Variants in TCP11 observed in about 807,000 individuals in gnomAD.
The protein encoded by TCP11 is T-complex protein 11 homolog.
A neutral mutation model predicts 45.0 loss-of-function variants in TCP11; 34 were observed. The ratio of observed to expected loss-of-function variants is 0.76; its 90% CI spans 0.57 to 1.01. The LOEUF is 1.01. Ranked by LOEUF, TCP11 falls within the 50% of genes least tolerant of loss-of-function variation. The probability of loss-of-function intolerance (pLI) is 0.00; values close to 1 mark genes in which losing one functional copy is unlikely to be tolerated. For synonymous variants in TCP11, 227 were observed against 227.0 expected, an observed-to-expected ratio of 1.00 and a Z score of 0.00; for missense variants, 523 against 598.1, an observed-to-expected ratio of 0.87 and a Z score of 1.31.
chr6:35,131,315 C>G (rs768880658), intron 3 of TCP11, among the ~76,000 whole-genome samples: 1 of 151,802 alleles, frequency 6.6e-6, no homozygotes, highest in Non-Finnish European at 1.5e-5. Flanking sequence ...TGCCTATAAT[C>G]CCAGCACTTT....
chr6:35,118,598 G>T, intron 9 of TCP11, 97 bp from the exon 10 acceptor site: 1 of 1,127,362 alleles, frequency 8.9e-7, no homozygotes, highest in Non-Finnish European at 1.3e-6. Context: ...TAAGTTAACA[G>T]ATATGTACCA....
chr6:35,140,640 C>T (rs190208504), intron 2 of TCP11, 107 bp downstream of exon 2: 3 of 718,242 alleles, frequency 4.2e-6, no homozygotes, highest in Admixed American at 2.0e-5. Context: ...GAAAGACAAA[C>T]GAGAGAGGGA....
intron 4 of TCP11, among the ~76,000 whole-genome samples, chr6:35,125,365 G>C (rs1433360151): frequency 6.6e-6 from 1 of 152,132 alleles, no homozygotes; most frequent in Non-Finnish European, 1.5e-5. Flanking sequence ...CAAAGTACCT[G>C]AGTAAACATT....
At chr6:35,126,630 T>C (rs1779845793) in intron 4 of TCP11, among the ~76,000 whole-genome samples, 1 of 148,648 alleles carries the variant, frequency 6.7e-6, no homozygotes, top group South Asian at 2.1e-4. Flanking sequence ...CAGGATGCAA[T>C]ATATGCTTTG....
At chr6:35,131,786 C>G (rs72897901) in intron 3 of TCP11, among the ~76,000 whole-genome samples, 18,647 of 152,074 alleles carry the variant, frequency 0.12, 1,330 homozygotes, top group Middle Eastern at 0.14. Context: ...ATGTTTAGTA[C>G]AGACAGAGTT....
intron 4 of TCP11, among the ~76,000 whole-genome samples, chr6:35,127,998 G>A (rs779987514): frequency 5.3e-5 from 8 of 152,204 alleles, no homozygotes; most frequent in African/African-American, 1.7e-4. Context: ...AAGCTTCACC[G>A]GCAGAAAGTG....
intron 3 of TCP11, among the ~76,000 whole-genome samples, chr6:35,131,601 A>G (rs1780462328): frequency 6.6e-6 from 1 of 152,166 alleles, no homozygotes; most frequent in African/African-American, 2.4e-5. Flanking sequence ...AACACAATGA[A>G]AAAGAAAAGA....
At chr6:35,140,502 C>G in intron 2 of TCP11, 1 of 629,846 alleles carries the variant, frequency 1.6e-6, no homozygotes, top group Non-Finnish European at 2.9e-6. Context: ...GGCTTTGAAC[C>G]GACTCAGTCT....
chr6:35,134,585 A>G (rs1780850767), intron 3 of TCP11, among the ~76,000 whole-genome samples: 1 of 151,916 alleles, frequency 6.6e-6, no homozygotes, highest in Non-Finnish European at 1.5e-5. Context: ...GGCCCCATAA[A>G]CTTTAAATCA....
intron 4 of TCP11, 153 bp downstream of exon 4, chr6:35,128,909 C>G: frequency 1.0e-6 from 1 of 957,270 alleles, no homozygotes; most frequent in South Asian, 2.0e-5. Flanking sequence ...TTATATTAAA[C>G]CCTCCCTGCT....
chr6:35,129,222 A>G lies in TCP11; in HGVS notation c.237-40T>C, dbSNP rs756006413. The G allele has an allele frequency of 3.1e-6, 5 of 1,588,396 alleles. No homozygotes were observed. The Admixed American group carries it at 9.1e-5, about 29-fold the overall frequency. On this transcript the variant is annotated intron_variant, in intron 3 of 9. Transcript: ENST00000311875. The stretch of plus-strand genomic sequence containing the variant: ...AATGAGCAGATTACTCTCTCAACCC[A>G]AAAACAGTTACAGTGTCATAACCTC...
intron 3 of TCP11, among the ~76,000 whole-genome samples, chr6:35,134,047 T>C (rs1348516744): frequency 6.6e-6 from 1 of 152,060 alleles, no homozygotes; most frequent in Non-Finnish European, 1.5e-5. Flanking sequence ...AGAAAATCTT[T>C]ATCTGTGCCT....
chr6:35,123,310 C>G (rs761889169), intron 4 of TCP11, among the ~76,000 whole-genome samples: 2 of 152,110 alleles, frequency 1.3e-5, no homozygotes, highest in Non-Finnish European at 2.9e-5. Flanking sequence ...CACATGCAAA[C>G]TTGAGGATAG....
At chr6:35,135,607 G>A in intron 3 of TCP11, among the ~76,000 whole-genome samples, 1 of 137,442 alleles carries the variant, frequency 7.3e-6, no homozygotes, top group South Asian at 2.4e-4. Context: ...GCAACACAGT[G>A]AGACCCCATC....
At position 35,122,275 on chromosome 6, in the gene TCP11, C is replaced by T; in HGVS notation, c.420G>A (p.Leu140=). The T allele has an allele frequency of 2.5e-6, 4 of 1,614,150 alleles. No individual in the cohort carries two copies. The highest frequency in any genetic ancestry group is 1.3e-5 in the African/African-American group (1 of 75,038). Residue 140 remains leucine (L), a synonymous_variant, in exon 5 of 10, where the codon CTG becomes CTA. Coordinates refer to ENST00000311875, the MANE Select transcript of TCP11 (RefSeq NM_001370687.1). ...CCTCCTGCTTGAGCAAGTCCATGTC[C>T]AGAGCTTCTTCAATCTCAATTCTCA... ...NRLRIEIEEA[L]DMDLLKQEAE...
At chr6:35,119,450 G>A in intron 8 of TCP11, 59 bp from the exon 9 acceptor site, 1 of 1,584,080 alleles carries the variant, frequency 6.3e-7, no homozygotes, top group Non-Finnish European at 8.6e-7. Flanking sequence ...TAGGCCCAGG[G>A]CCCAGCATGC....
At chr6:35,131,616 T>C (rs1052645601) in intron 3 of TCP11, among the ~76,000 whole-genome samples, 4 of 150,890 alleles carry the variant, frequency 2.7e-5, no homozygotes, top group Admixed American at 2.6e-4. Context: ...AAAAGAAAAA[T>C]AAGCCATCAA....
At chr6:35,139,419 C>G (rs1035650058) in intron 2 of TCP11, among the ~76,000 whole-genome samples, 4 of 152,178 alleles carry the variant, frequency 2.6e-5, no homozygotes, top group African/African-American at 9.7e-5. Context: ...CAAAAATCCA[C>G]TGAGTCTCTG....
chr6:35,119,481 C>A (rs1778995783), intron 8 of TCP11, 90 bp from the exon 9 acceptor site: 3 of 1,483,606 alleles, frequency 2.0e-6, no homozygotes, highest in African/African-American at 1.4e-5. Context: ...ATGCCAGGCC[C>A]ACTTGAGGGA....
Sources: allele counts gnomAD v4.1 joint callset (sites outside exome capture counted in the v4.1 genomes callset), GRCh38; gene constraint gnomAD v4.1.1; transcripts MANE v1.5; gene names NCBI Gene and HGNC (gene_info 2026-07-23, HGNC 2026-07-21).